GLIS3: variants seen among roughly 807,000 people sequenced by gnomAD.
GLIS3 encodes GLIS family zinc finger 3.
A neutral mutation model predicts 78.6 loss-of-function variants in GLIS3; 53 were observed. The ratio of observed to expected loss-of-function variants is 0.67; its 90% CI spans 0.54 to 0.85. The LOEUF (loss-of-function observed/expected upper bound fraction) is 0.85, where lower values mean the gene tolerates loss of function less well. GLIS3 is among the 40% of genes least tolerant of loss of function. GLIS3 has a pLI of 0.00. For missense variants in GLIS3, 1,703 were observed against 1,231.1 expected (o/e 1.38, Z -5.74); for synonymous variants, 684 against 509.9 (o/e 1.34, Z -4.60).
At chr9:4,247,876 T>G (rs1176083311) in intron 2 of GLIS3, among the ~76,000 whole-genome samples, 1 of 152,012 alleles carries the variant, frequency 6.6e-6, no homozygotes, top group Non-Finnish European at 1.5e-5. Context: ...ATCCATCACT[T>G]CACTTCATTG....
chr9:4,035,975 T>G (rs1363052920), intron 4 of GLIS3: 1 of 152,354 alleles, frequency 6.6e-6, no homozygotes, highest in African/African-American at 2.4e-5. Flanking sequence ...GAATCCTTCT[T>G]TCCTACATGC....
chr9:4,203,900 A>C (rs1448109415), intron 2 of GLIS3, among the ~76,000 whole-genome samples: 1 of 152,232 alleles, frequency 6.6e-6, no homozygotes, highest in Non-Finnish European at 1.5e-5. Context: ...AGTAGGAGCC[A>C]AACAGTGGGT....
intron 3 of GLIS3, among the ~76,000 whole-genome samples, chr9:4,122,897 A>G (rs1832293841): frequency 6.6e-6 from 1 of 152,230 alleles, no homozygotes; most frequent in Non-Finnish European, 1.5e-5. Flanking sequence ...TAAATCGAGA[A>G]TGACTCCTGG....
intron 9 of GLIS3, among the ~76,000 whole-genome samples, chr9:3,838,469 A>G (rs1818500660): frequency 6.6e-6 from 1 of 152,160 alleles, no homozygotes; most frequent in African/African-American, 2.4e-5. Context: ...AGAATAAAGG[A>G]AGGTTTGCTG....
chr9:4,410,812 A>G, the GLIS3 span, among the ~76,000 whole-genome samples: 1 of 152,228 alleles, frequency 6.6e-6, no homozygotes, highest in African/African-American at 2.4e-5. Context: ...CAAATGGGAT[A>G]TTTTAATCTT....
intron 2 of GLIS3, among the ~76,000 whole-genome samples, chr9:4,235,571 G>A (rs1040387912): frequency 5.3e-5 from 8 of 152,032 alleles, no homozygotes; most frequent in East Asian, 3.9e-4. Flanking sequence ...TACTCCTACC[G>A]GCTCTAGACT....
At chr9:4,467,337 A>G in the GLIS3 span, among the ~76,000 whole-genome samples, 3 of 152,214 alleles carry the variant, frequency 2.0e-5, no homozygotes, top group Non-Finnish European at 4.4e-5. Flanking sequence ...TGCCTCCTCA[A>G]GTGGGTCCCT....
At chr9:4,302,709 TTACTG>T (rs1020254369), upstream of GLIS3, among the ~76,000 whole-genome samples, 7 of 152,326 alleles carry the variant, frequency 4.6e-5, no homozygotes, top group African/African-American at 1.7e-4. Flanking sequence ...TCAATCAACA[TTACTG>T]TACTACAGAA....
Position 4,118,141 on chromosome 9 carries a change from G to A in GLIS3, c.1337C>T (p.Ala446Val), listed in dbSNP as rs775044065. ...FPGSTVDLPP[A>V]PPLPPLPPPP... ...CGGCGGCAGAGGAGGGAGCGGAGGC[G>A]CGGGGGGTAGGTCTACGGTGCTGCC... The change falls in exon 4 of 11, where the codon GCG (alanine) becomes GTG (valine). Residue 446 changes from alanine to valine, a missense_variant. Transcript: ENST00000381971. This position sits in a 1 kb window ranked among gnomAD's most constrained non-coding sequence, Gnocchi z 4.7. 26 of 1,550,608 alleles carry A rather than the reference G, an allele frequency of 1.7e-5. No homozygotes were observed. Among genetic ancestry groups the A allele is most frequent in the Non-Finnish European group, 2.1e-5 (24 of 1,147,704 alleles).
intron 4 of GLIS3, among the ~76,000 whole-genome samples, chr9:4,116,428 G>A (rs1327713226): frequency 1.3e-5 from 2 of 152,232 alleles, no homozygotes; most frequent in African/African-American, 2.4e-5. Flanking sequence ...TTCTCGCAAT[G>A]TATCAGCTTC....
chr9:3,868,828 TTGTTG>T (rs1820778667), intron 8 of GLIS3, among the ~76,000 whole-genome samples: 3 of 1,114 alleles, frequency 2.7e-3, no homozygotes, highest in Non-Finnish European at 5.7e-3. Context: ...TATACAACAC[TTGTTG>T]TACATAGTGT....
chr9:3,836,635 G>C (rs1298669002), intron 9 of GLIS3, among the ~76,000 whole-genome samples: 2 of 152,168 alleles, frequency 1.3e-5, no homozygotes, highest in Admixed American at 1.3e-4. Context: ...AAAGAAAAGA[G>C]GAAAAGATGG....
chr9:4,349,494 A>G (rs998663809), upstream of GLIS3, among the ~76,000 whole-genome samples: 3 of 152,220 alleles, frequency 2.0e-5, no homozygotes, highest in African/African-American at 7.2e-5. Flanking sequence ...TGAGTAGAAA[A>G]AGAGAATGGA....
chr9:4,278,539 TA>T (rs913027097), intron 2 of GLIS3, among the ~76,000 whole-genome samples: 71 of 152,076 alleles, frequency 4.7e-4, no homozygotes, highest in African/African-American at 1.6e-3. Flanking sequence ...CAGAATAATT[TA>T]AAAAAAATCC....
At chr9:4,125,029 AG>A (rs1832466550) in intron 3 of GLIS3, among the ~76,000 whole-genome samples, 1 of 152,310 alleles carries the variant, frequency 6.6e-6, no homozygotes, top group African/African-American at 2.4e-5. Context: ...GCTTTGTCTG[AG>A]GGGGTGATTT....
intron 4 of GLIS3, chr9:4,054,313 G>C: frequency 1.0e-6 from 1 of 984,608 alleles, no homozygotes; most frequent in Non-Finnish European, 1.2e-6. Flanking sequence ...CTCTACAGAT[G>C]TTTCCACAAC....
intron 4 of GLIS3, among the ~76,000 whole-genome samples, chr9:4,086,731 T>G (rs953944651): frequency 1.2e-4 from 19 of 152,190 alleles, no homozygotes; most frequent in African/African-American, 4.6e-4. Context: ...CTACAGCATG[T>G]GCCGGGCACT....
chr9:4,257,104 C>G (rs1481103123), intron 2 of GLIS3, among the ~76,000 whole-genome samples: 2 of 151,766 alleles, frequency 1.3e-5, no homozygotes, highest in African/African-American at 2.4e-5. Context: ...TGTATGTATA[C>G]CACAACTTCT....
the GLIS3 span, among the ~76,000 whole-genome samples, chr9:4,366,185 C>T: frequency 6.6e-6 from 1 of 152,174 alleles, no homozygotes; most frequent in Non-Finnish European, 1.5e-5. Flanking sequence ...TTGGTCTATC[C>T]TATCCTTATG....
Sources: allele counts gnomAD v4.1 joint callset (sites outside exome capture counted in the v4.1 genomes callset), GRCh38; gene constraint gnomAD v4.1.1; non-coding constraint Gnocchi (gnomAD v3.1); transcripts MANE v1.5; gene names NCBI Gene and HGNC (gene_info 2026-07-23, HGNC 2026-07-21).